TAF2: variants seen among roughly 807,000 people sequenced by gnomAD.
TAF2 encodes TATA-box binding protein associated factor 2.
In TAF2, 61 loss-of-function variants were observed where a neutral mutation model predicts 138.5. The ratio of observed to expected loss-of-function variants is 0.44; its 90% CI spans 0.36 to 0.54. TAF2 has a LOEUF of 0.54. TAF2 is among the 20% of genes least tolerant of loss of function. The pLI, the probability that TAF2 is intolerant of heterozygous loss-of-function variation, is 0.00. For synonymous variants in TAF2, 475 were observed against 469.9 expected, an observed-to-expected ratio of 1.01 and a Z score of -0.14; for missense variants, 1,090 against 1,427.9, an observed-to-expected ratio of 0.76 and a Z score of 3.81.
chr8:119,796,463 G>A (rs1316851669), intron 8 of TAF2, among the ~76,000 whole-genome samples: 1 of 151,972 alleles, frequency 6.6e-6, no homozygotes. Context: ...TCAACAAACT[G>A]GTACAAAGCT....
intron 11 of TAF2, 104 bp downstream of exon 11, chr8:119,791,220 C>T: frequency 7.1e-7 from 1 of 1,403,808 alleles, no homozygotes; most frequent in Non-Finnish European, 9.7e-7. Flanking sequence ...GCAAACAAAA[C>T]TATAAATCCA....
intron 25 of TAF2, among the ~76,000 whole-genome samples, chr8:119,737,517 T>C (rs956068549): frequency 4.7e-4 from 70 of 150,412 alleles, no homozygotes; most frequent in African/African-American, 1.6e-3. Flanking sequence ...TTTTCTTTTT[T>C]TTTTTTTTTG....
intron 23 of TAF2, 56 bp downstream of exon 23, chr8:119,746,649 T>C: frequency 1.9e-6 from 3 of 1,558,514 alleles, no homozygotes; most frequent in Non-Finnish European, 2.7e-6. Context: ...ACAATTCTCT[T>C]CTCTAGATCC....
intron 22 of TAF2, among the ~76,000 whole-genome samples, chr8:119,748,530 G>A (rs1820134274): frequency 6.6e-6 from 1 of 151,920 alleles, no homozygotes; most frequent in Non-Finnish European, 1.5e-5. Context: ...AACACTGGTA[G>A]AAGCAAGAGA....
intron 2 of TAF2, 68 bp downstream of exon 2, chr8:119,831,609 G>C (rs1826450133): frequency 1.7e-6 from 2 of 1,171,170 alleles, no homozygotes; most frequent in Admixed American, 1.7e-5. Context: ...TCTAAGTACT[G>C]TGAGGGGTGG....
chr8:119,798,904 T>C (rs1376612454), intron 6 of TAF2, among the ~76,000 whole-genome samples: 1 of 152,164 alleles, frequency 6.6e-6, no homozygotes, highest in South Asian at 2.1e-4. Flanking sequence ...TATTTAATCA[T>C]AATTTTATTT....
intron 3 of TAF2, among the ~76,000 whole-genome samples, chr8:119,818,737 C>T (rs1040919195): frequency 3.6e-5 from 1 of 27,920 alleles, no homozygotes; most frequent in Non-Finnish European, 7.7e-5. Flanking sequence ...GAAGTCCACA[C>T]ACACACACAC....
intron 2 of TAF2, among the ~76,000 whole-genome samples, chr8:119,824,858 AAATGCCTGG>A (rs1826003296): frequency 6.6e-6 from 1 of 152,238 alleles, no homozygotes; most frequent in African/African-American, 2.4e-5. Context: ...AGATGTATGG[AAATGCCTGG>A]ATGCCCAGGC....
At chr8:119,823,066 C>T (rs1185303120) in intron 2 of TAF2, among the ~76,000 whole-genome samples, 1 of 152,136 alleles carries the variant, frequency 6.6e-6, no homozygotes, top group Non-Finnish European at 1.5e-5. Context: ...CTGTTTTTCT[C>T]TCTCCTATAA....
intron 22 of TAF2, among the ~76,000 whole-genome samples, chr8:119,752,105 ATAAAG>A (rs950734373): frequency 6.6e-6 from 1 of 152,184 alleles, no homozygotes; most frequent in Non-Finnish European, 1.5e-5. Flanking sequence ...GGAAAAGGAG[ATAAAG>A]TAAATGGTAA....
At position 119,746,909 on chromosome 8, in the gene TAF2, C is replaced by T. The variant is rs1820015231; in HGVS notation, c.2904G>A (p.Arg968=). The change falls in exon 23 of 26, where the codon CGG becomes CGA. Residue 968 remains arginine (R), a synonymous_variant. Coordinates refer to ENST00000378164, the MANE Select transcript of TAF2 (RefSeq NM_003184.4). ...NSGTSHDWRL[R]CGAVDLYFTL... Reference sequence around the variant, plus strand: ...TGAAGTACAAGTCCACAGCACCACACCGTAACCTCCAGTCATGTGAAGTAC... The same window carrying T: ...TGAAGTACAAGTCCACAGCACCACATCGTAACCTCCAGTCATGTGAAGTAC... 1.2e-6 allele frequency: 2 copies of T among 1,614,090 alleles called. No homozygotes were observed. Among genetic ancestry groups the T allele is most frequent in the East Asian group, 2.2e-5 (1 of 44,872 alleles).
rs1463647846 is a variant in TAF2, at chr8:119,731,443, T to C, written c.*481A>G. 1 of 165,164 alleles carries C rather than the reference T, an allele frequency of 6.1e-6. No individual in the cohort carries two copies. The highest frequency in any genetic ancestry group is 1.3e-5 in the Non-Finnish European group (1 of 74,758). The allele number at this position is 165,164 out of a possible 1,614,324, so 10.2% of individuals were successfully genotyped here. A position where few individuals can be genotyped will look rare whatever the true frequency, so the allele number is the denominator to read the frequency against. ...AAAATGGTGCAATAAGGAAGAGTAC[T>C]GTAGAAAAGCCACTGTCTTTTCAGT... is the stretch of plus-strand genomic sequence containing the variant. On this transcript the variant is annotated 3_prime_UTR_variant, in exon 26 of 26. Coordinates refer to ENST00000378164, the MANE Select transcript of TAF2 (RefSeq NM_003184.4).
intron 4 of TAF2, 138 bp downstream of exon 4, chr8:119,806,145 A>G: frequency 2.6e-6 from 2 of 767,510 alleles, no homozygotes; most frequent in Non-Finnish European, 4.5e-6. Context: ...TAGGTGATCC[A>G]CCCGCCTCAG....
At chr8:119,815,725 A>G (rs1035499505) in intron 3 of TAF2, among the ~76,000 whole-genome samples, 1 of 152,250 alleles carries the variant, frequency 6.6e-6, no homozygotes, top group Non-Finnish European at 1.5e-5. Context: ...AGAGAAGTAC[A>G]GCAAAAACAA....
rs1048561808 is a variant in TAF2 at position 119,832,708 on chromosome 8, G to A, written c.-144C>T. The A allele has an allele frequency of 9.9e-5, 66 of 668,794 alleles. No homozygotes were observed. Among genetic ancestry groups the A allele is most frequent in the Middle Eastern group, 8.4e-4 (2 of 2,386 alleles). The allele number at this position is 668,794 out of a possible 1,614,324, so 41.4% of individuals were successfully genotyped here. On this transcript the variant is annotated 5_prime_UTR_variant, in exon 1 of 26. Coordinates refer to ENST00000378164, the MANE Select transcript of TAF2 (RefSeq NM_003184.4). ...CCGGTGCCCAGGTGAGCGACCTGAC[G>A]GGTCGCTGCCCGCCTCAACCTCGCT...
intron 17 of TAF2, among the ~76,000 whole-genome samples, chr8:119,778,704 C>A (rs1467252826): frequency 6.6e-6 from 1 of 152,196 alleles, no homozygotes; most frequent in African/African-American, 2.4e-5. Flanking sequence ...AACACCCAAT[C>A]CTCAACCTAA....
At chr8:119,831,469 A>C (rs1826441382) in intron 2 of TAF2, among the ~76,000 whole-genome samples, 1 of 152,234 alleles carries the variant, frequency 6.6e-6, no homozygotes, top group Non-Finnish European at 1.5e-5. Flanking sequence ...GGAAATTGAA[A>C]AAAAAGGAAA....
rs199859019 is a variant in TAF2 at position 119,739,408 on chromosome 8, A to G, written c.3337+3126T>C. The stretch of plus-strand genomic sequence containing the variant: ...AGTAATGAAGGAAAATACTCTTGCC[A>G]TTTCTCCCTTCTCATCCCAATGGCT... On this transcript the variant is annotated intron_variant, in intron 25 of 25. Transcript: ENST00000378164. 2.0e-5 allele frequency among the ~76,000 whole-genome samples: 3 copies of G among 152,136 alleles called. No homozygotes were observed. In the East Asian group the frequency reaches 5.8e-4, roughly 29 times the overall value.
intron 2 of TAF2, among the ~76,000 whole-genome samples, chr8:119,826,618 T>A (rs1166454421): frequency 6.6e-6 from 1 of 152,082 alleles, no homozygotes; most frequent in Non-Finnish European, 1.5e-5. Flanking sequence ...GAGATGGGGT[T>A]TCACTCTTGT....
Sources: allele counts gnomAD v4.1 joint callset (sites outside exome capture counted in the v4.1 genomes callset), GRCh38; gene constraint gnomAD v4.1.1; transcripts MANE v1.5; gene names NCBI Gene and HGNC (gene_info 2026-07-23, HGNC 2026-07-21).